Variants in PRDM10 observed in about 807,000 individuals in gnomAD.
PRDM10 encodes PR domain zinc finger protein 10.
Under a neutral mutation model 133.1 loss-of-function variants are expected in PRDM10, and 65 were observed. The ratio of observed to expected loss-of-function variants is 0.49; its 90% CI spans 0.40 to 0.60. The LOEUF (loss-of-function observed/expected upper bound fraction) is 0.60, where lower values mean the gene tolerates loss of function less well. Ranked by LOEUF, PRDM10 falls within the 20% of genes least tolerant of loss-of-function variation. PRDM10 has a pLI of 0.00. For missense variants in PRDM10, 1,137 were observed against 1,507.1 expected, an observed-to-expected ratio of 0.75 and a Z score of 4.07; for synonymous variants, 582 against 580.4, an observed-to-expected ratio of 1.00 and a Z score of -0.04.
At chr11:129,916,993 T>A in intron 15 of PRDM10, 134 bp downstream of exon 15, 1 of 571,676 alleles carries the variant, frequency 1.7e-6, no homozygotes, top group Non-Finnish European at 2.9e-6. Context: ...CTTGTCTGAA[T>A]GGAGACTACT....
chr11:129,904,094 C>T (rs994369957), intron 20 of PRDM10, among the ~76,000 whole-genome samples: 3 of 146,962 alleles, frequency 2.0e-5, no homozygotes, highest in African/African-American at 7.6e-5. Context: ...ATTTACAAAT[C>T]TCTCCTAAGT....
At chr11:129,978,976 A>C (rs1214912558) in intron 1 of PRDM10, among the ~76,000 whole-genome samples, 1 of 152,208 alleles carries the variant, frequency 6.6e-6, no homozygotes, top group Non-Finnish European at 1.5e-5. Context: ...AGAACGAAGA[A>C]ACATGAGGCT....
chr11:129,979,087 C>A (rs747993168), intron 1 of PRDM10, among the ~76,000 whole-genome samples: 1 of 152,138 alleles, frequency 6.6e-6, no homozygotes, highest in Non-Finnish European at 1.5e-5. Context: ...AATGATAAAC[C>A]TTGATGTTTG....
chr11:129,925,993 T>C (rs962169640), intron 11 of PRDM10, among the ~76,000 whole-genome samples: 18 of 152,224 alleles, frequency 1.2e-4, no homozygotes, highest in Non-Finnish European at 1.3e-4. Context: ...ATGGAATATA[T>C]GCATTTCATC....
chr11:129,946,805 G>A (rs1008017039), intron 5 of PRDM10, among the ~76,000 whole-genome samples: 3 of 152,184 alleles, frequency 2.0e-5, no homozygotes, highest in Admixed American at 6.5e-5. Flanking sequence ...GCTGAAGAGC[G>A]CAGGATCGGG....
chr11:129,929,496 C>T, intron 11 of PRDM10: 2 of 1,297,906 alleles, frequency 1.5e-6, no homozygotes, highest in East Asian at 5.2e-5. Context: ...TTCAGTTGGT[C>T]ATTACCAATC....
intron 11 of PRDM10, 121 bp downstream of exon 11, chr11:129,930,895 G>T: frequency 7.3e-7 from 1 of 1,374,920 alleles, no homozygotes; most frequent in Non-Finnish European, 9.8e-7. Context: ...GATCGAGCAT[G>T]TGACAGGCTA....
At chr11:129,931,776 G>C (rs903626215) in intron 10 of PRDM10, among the ~76,000 whole-genome samples, 21 of 152,030 alleles carry the variant, frequency 1.4e-4, no homozygotes, top group Admixed American at 1.4e-3. Flanking sequence ...CACCGTGTTA[G>C]CCAGGATGGT....
At chr11:129,959,930 T>C (rs1291383529) in intron 2 of PRDM10, among the ~76,000 whole-genome samples, 4 of 151,614 alleles carry the variant, frequency 2.6e-5, no homozygotes, top group Non-Finnish European at 5.9e-5. Context: ...TTTTTCTTTT[T>C]TTTTTTTTTT....
chr11:129,995,802 C>T (rs746752429), intron 1 of PRDM10, among the ~76,000 whole-genome samples: 2 of 152,018 alleles, frequency 1.3e-5, no homozygotes, highest in South Asian at 2.1e-4. Flanking sequence ...AAAAATTAGC[C>T]GGGTGTGATG....
chr11:129,956,878 T>C (rs1951706296), intron 3 of PRDM10, among the ~76,000 whole-genome samples: 2 of 152,238 alleles, frequency 1.3e-5, no homozygotes, highest in South Asian at 4.1e-4. Flanking sequence ...GTTAAAGATA[T>C]ACATTTCAAA....
At chr11:129,975,028 G>A (rs1937675305) in intron 1 of PRDM10, among the ~76,000 whole-genome samples, 1 of 152,172 alleles carries the variant, frequency 6.6e-6, no homozygotes, top group South Asian at 2.1e-4. Flanking sequence ...CAGGGGAACA[G>A]GGAGTTATTG....
At chr11:129,924,551 A>G (rs184261631) in intron 12 of PRDM10, among the ~76,000 whole-genome samples, 1 of 152,308 alleles carries the variant, frequency 6.6e-6, no homozygotes, top group Non-Finnish European at 1.5e-5. Context: ...CCCCTCAGAA[A>G]CGGGAGTATG....
Position 129,902,260 on chromosome 11 carries a change from A to G in PRDM10, c.*53T>C. On this transcript the variant is annotated 3_prime_UTR_variant, in exon 21 of 21. Transcript: ENST00000360871. Reference sequence around the variant, plus strand: ...GAGCTCTACGTGTCAGAGCTTTCAGACTTATGAGAACAGACATGAGGTGGG... The same window carrying G: ...GAGCTCTACGTGTCAGAGCTTTCAGGCTTATGAGAACAGACATGAGGTGGG... 2 of 1,575,838 alleles carry G rather than the reference A, an allele frequency of 1.3e-6. No individual in the cohort carries two copies. Among genetic ancestry groups the G allele is most frequent in the Non-Finnish European group, 8.7e-7 (1 of 1,154,726 alleles).
intron 2 of PRDM10, among the ~76,000 whole-genome samples, chr11:129,960,547 C>T (rs1279517964): frequency 6.6e-6 from 1 of 152,202 alleles, no homozygotes; most frequent in African/African-American, 2.4e-5. Flanking sequence ...GTACTCATTA[C>T]ACACAAAGGA....
At position 129,917,179 on chromosome 11, in the gene PRDM10, G is replaced by T. The variant is rs780283879; in HGVS notation, c.2273C>A (p.Thr758Asn). 6.2e-7 allele frequency: 1 copy of T among 1,613,872 alleles called. No homozygotes were observed. The highest frequency in any genetic ancestry group is 8.5e-7 in the Non-Finnish European group (1 of 1,179,776). ...DMKIEEVPEL[T>N]LPIIKPNRDY... Reference sequence around the variant, plus strand: ...ACGATTGGGTTTTATGATGGGTAGAGTTAACTCTGGCACCTCTTCTATCTT... The same window carrying T: ...ACGATTGGGTTTTATGATGGGTAGATTTAACTCTGGCACCTCTTCTATCTT... Residue 758 changes from threonine to asparagine, a missense_variant, in exon 15 of 21, where the codon ACT becomes AAT. Thr to Asn is a moderately conservative substitution (Grantham distance 65, BLOSUM62 0). Transcript: ENST00000360871.
chr11:129,962,872 G>A (rs1951823554), intron 1 of PRDM10, among the ~76,000 whole-genome samples: 1 of 152,112 alleles, frequency 6.6e-6, no homozygotes, highest in African/African-American at 2.4e-5. Context: ...GAATAGGCTG[G>A]GTGCAGTGGT....
chr11:129,932,085 T>C lies in PRDM10; in HGVS notation c.1287+17A>G, dbSNP rs111423252. The C allele has an allele frequency of 1.6e-5, 25 of 1,610,162 alleles. No individual in the cohort carries two copies. The African/African-American group carries it at 2.3e-4, about 15-fold the overall frequency. ...CACACAAGCACCTAAGGAGGGCTCC[T>C]TCCCGTCCCCCCGTACCTGTGTCCC... is the stretch of plus-strand genomic sequence containing the variant. On this transcript the variant is annotated intron_variant, in intron 10 of 20. Transcript: ENST00000360871.
Position 129,992,479 on chromosome 11 carries a change from CCT to C in PRDM10, c.-119+10241_-119+10242del, listed in dbSNP as rs374838150. 3.8e-3 allele frequency among the ~76,000 whole-genome samples: 585 copies of C among 152,306 alleles called. 4 individuals carry two copies. Among genetic ancestry groups the C allele is most frequent in the African/African-American group, 0.013 (532 of 41,546 alleles). On this transcript the variant is annotated intron_variant, in intron 1 of 20. Coordinates refer to ENST00000360871, the MANE Select transcript of PRDM10 (RefSeq NM_199437.2). ...TACTACAAAGCTTGAAGCTCTTTCC[CCT>C]GTTTGCCACAACAGCTTTCATCCTA...
Sources: gnomAD v4.1 joint callset for allele counts (sites outside exome capture counted in the v4.1 genomes callset) on GRCh38, gnomAD v4.1.1 for gene constraint, MANE v1.5 for transcripts, NCBI Gene and HGNC (gene_info 2026-07-23, HGNC 2026-07-21) for gene names.